FBXO33: variants seen among roughly 807,000 people sequenced by gnomAD.
The protein encoded by FBXO33 is F-box protein 33, also known as F-box only protein 33.
A neutral mutation model predicts 46.3 loss-of-function variants in FBXO33; 22 were observed. The ratio of observed to expected loss-of-function variants is 0.48; its 90% CI spans 0.34 to 0.68. FBXO33 has a LOEUF of 0.68. Among genes scored for constraint, FBXO33 ranks in the 30% least tolerant of loss-of-function variants. The pLI, the probability that FBXO33 is intolerant of heterozygous loss-of-function variation, is 0.01. For synonymous variants in FBXO33, 337 were observed against 291.3 expected (o/e 1.16, Z -1.60); for missense variants, 692 against 708.8 (o/e 0.98, Z 0.27).
At position 39,400,506 on chromosome 14, in the gene FBXO33, T is replaced by TAA. The variant is rs201575090; in HGVS notation, c.1396+668_1396+669dup. Among the ~76,000 whole-genome samples the TAA allele has an allele frequency of 7.5e-3, 1,138 of 152,092 alleles. 12 individuals are homozygous for TAA. Among genetic ancestry groups the TAA allele is most frequent in the African/African-American group, 0.026 (1,079 of 41,480 alleles). On this transcript the variant is annotated intron_variant, in intron 3 of 3. Transcript: ENST00000298097. The stretch of plus-strand genomic sequence containing the variant: ...TTTCTGCTACCTCTGATGACTGGCA[T>TAA]AAAGCAAGACTTGAAAAGCAAGGCA...
At chr14:39,426,740 GATCTTCAGATGGGCAACGCTTGTT>G (rs1270417754) in intron 1 of FBXO33, among the ~76,000 whole-genome samples, 5 of 152,174 alleles carry the variant, frequency 3.3e-5, no homozygotes, top group African/African-American at 1.2e-4. Flanking sequence ...TATTTGCTCA[GATCTTCAGATGGGCAACGCTTGTT>G]ATTCATGCTG....
chr14:39,416,651 T>G (rs1405372257), intron 1 of FBXO33, among the ~76,000 whole-genome samples: 2 of 152,132 alleles, frequency 1.3e-5, no homozygotes, highest in Admixed American at 1.3e-4. Flanking sequence ...TCGGTTCAGT[T>G]ACTGTATTCT....
rs555351775 is a variant in FBXO33 at position 39,414,636 on chromosome 14, C to T, written c.600-12125G>A. Among the ~76,000 whole-genome samples the T allele has an allele frequency of 2.1e-4, 32 of 152,160 alleles. No homozygotes were observed. In the South Asian group the frequency reaches 2.7e-3, roughly 13 times the overall value. ...CTTTCACTTAGCAATTAGAGGTCACCGTAGAGTTATTAATAAGCCTAATTT... is the reference window on the plus strand; with the variant it reads ...CTTTCACTTAGCAATTAGAGGTCACTGTAGAGTTATTAATAAGCCTAATTT... On this transcript the variant is annotated intron_variant, in intron 1 of 3. Coordinates refer to ENST00000298097, the MANE Select transcript of FBXO33 (RefSeq NM_203301.4).
chr14:39,421,080 T>C (rs1425953042), intron 1 of FBXO33, among the ~76,000 whole-genome samples: 2 of 152,208 alleles, frequency 1.3e-5, no homozygotes, highest in African/African-American at 4.8e-5. Flanking sequence ...TCCTGTGGTC[T>C]ATGTGTAGAT....
In FBXO33 at chr14:39,398,428, C is replaced by A. The variant is rs2075353116; in HGVS notation, c.*1088G>T. The A allele has an allele frequency of 6.6e-6, 1 of 150,834 alleles. No individual in the cohort carries two copies. The highest frequency in any genetic ancestry group is 1.5e-5 in the Non-Finnish European group (1 of 67,720). 9.3% of individuals were successfully genotyped at this position (150,834 alleles called of 1,614,324 possible). On this transcript the variant is annotated 3_prime_UTR_variant, in exon 4 of 4. Transcript: ENST00000298097. The stretch of plus-strand genomic sequence containing the variant: ...GTTTTTCCTTTCTTTCCTTTACATT[C>A]ACTATTCACAGTGAAACAGGTGCAT...
At chr14:39,404,695 A>G (rs1264797014) in intron 1 of FBXO33, among the ~76,000 whole-genome samples, 1 of 152,188 alleles carries the variant, frequency 6.6e-6, no homozygotes, top group Admixed American at 6.5e-5. Context: ...ATTATAGGGA[A>G]AAGGAAAAGC....
At chr14:39,410,354 G>C (rs972926153) in intron 1 of FBXO33, among the ~76,000 whole-genome samples, 1 of 152,156 alleles carries the variant, frequency 6.6e-6, no homozygotes, top group Non-Finnish European at 1.5e-5. Flanking sequence ...TGTGCATATG[G>C]TGAACCATGC....
Position 39,399,667 on chromosome 14 carries a change from T to C in FBXO33, c.1517A>G (p.Asp506Gly). The C allele has an allele frequency of 6.2e-7, 1 of 1,614,040 alleles. No individual in the cohort carries two copies. The highest frequency in any genetic ancestry group is 8.5e-7 in the Non-Finnish European group (1 of 1,179,994). ...DFDQGELADQ[D>G]VDPVHNLIEQ... ...AATAAGGTTATGCACTGGATCTACATCCTGGTCGGCCAGTTCACCTTGGTC... is the reference window on the plus strand; with the variant it reads ...AATAAGGTTATGCACTGGATCTACACCCTGGTCGGCCAGTTCACCTTGGTC... The change falls in exon 4 of 4, where the codon GAT becomes GGT. Residue 506 changes from aspartate to glycine, a missense_variant. Physicochemically the swap from Asp to Gly is moderately conservative, Grantham distance 94 (BLOSUM62 -1). This residue lies in a region of FBXO33 where 94 missense variants were observed against 91.9 expected (regional missense o/e 1.02). Transcript: ENST00000298097.
chr14:39,415,389 T>C (rs1332963306), intron 1 of FBXO33, among the ~76,000 whole-genome samples: 4 of 152,200 alleles, frequency 2.6e-5, no homozygotes, highest in Admixed American at 2.6e-4. Context: ...GCCAATATAG[T>C]TGCTTGATGC....
chr14:39,399,609 C>A lies in FBXO33; in HGVS notation c.1575G>T (p.Trp525Cys). Reference protein sequence around the residue: ...EQVSLGLGQPWHAVMDIESLS... With the variant: ...EQVSLGLGQPCHAVMDIESLS... Reference sequence around the variant, plus strand: ...GTGATTCGATGTCCATGACTGCATGCCAAGGTTGACCCAGGCCCAGGGATA... The same window carrying A: ...GTGATTCGATGTCCATGACTGCATGACAAGGTTGACCCAGGCCCAGGGATA... The change falls in exon 4 of 4, where the codon TGG becomes TGT. Residue 525 changes from tryptophan to cysteine, a missense_variant. Trp to Cys is a radical substitution (Grantham distance 215, BLOSUM62 -2). This residue lies in a region of FBXO33 where 94 missense variants were observed against 91.9 expected (regional missense o/e 1.02). Coordinates refer to ENST00000298097, the MANE Select transcript of FBXO33 (RefSeq NM_203301.4). 6.2e-7 allele frequency: 1 copy of A among 1,613,796 alleles called. No individual in the cohort carries two copies. Among genetic ancestry groups the A allele is most frequent in the East Asian group, 2.2e-5 (1 of 44,880 alleles).
At chr14:39,422,151 G>A (rs915511951) in intron 1 of FBXO33, among the ~76,000 whole-genome samples, 2 of 152,134 alleles carry the variant, frequency 1.3e-5, no homozygotes, top group African/African-American at 4.8e-5. Flanking sequence ...TCAGCTACTC[G>A]GGAGACTGAG....
At chr14:39,411,818 G>A (rs1279713833) in intron 1 of FBXO33, among the ~76,000 whole-genome samples, 1 of 152,134 alleles carries the variant, frequency 6.6e-6, no homozygotes, top group Non-Finnish European at 1.5e-5. Context: ...ACTGGCACCT[G>A]GCCTTGACTT....
At chr14:39,431,479 C>A (rs530458416) in intron 1 of FBXO33, 85 bp downstream of exon 1, 9 of 1,584,280 alleles carry the variant, frequency 5.7e-6, no homozygotes, top group Non-Finnish European at 7.7e-6. Context: ...TGGCCGGGCA[C>A]GTATTATGCA....
chr14:39,413,300 G>A (rs761876778), intron 1 of FBXO33, among the ~76,000 whole-genome samples: 1 of 152,222 alleles, frequency 6.6e-6, no homozygotes, highest in Non-Finnish European at 1.5e-5. Flanking sequence ...AACTTCTCAT[G>A]CATTCCAGTT....
chr14:39,429,699 G>A (rs151259485), intron 1 of FBXO33, among the ~76,000 whole-genome samples: 2 of 152,310 alleles, frequency 1.3e-5, no homozygotes, highest in East Asian at 3.9e-4. Context: ...ACAACACCAT[G>A]CTAATAGTAG....
chr14:39,423,696 A>G (rs897414232), intron 1 of FBXO33, among the ~76,000 whole-genome samples: 10 of 152,202 alleles, frequency 6.6e-5, no homozygotes, highest in African/African-American at 2.4e-4. Context: ...AAAAGAGGTA[A>G]AACTAACCCA....
At chr14:39,426,111 A>G (rs975660394) in intron 1 of FBXO33, among the ~76,000 whole-genome samples, 11 of 152,012 alleles carry the variant, frequency 7.2e-5, no homozygotes, top group African/African-American at 2.7e-4. Flanking sequence ...GTTATTTAAC[A>G]TGCTATTTTT....
rs140148813 is a variant in FBXO33 at position 39,426,684 on chromosome 14, T to C, written c.599+4880A>G. ...ACTGCTCGAACAGACCAAAAATTTG[T>C]CTGGCTCAAGACCTTAGCGCTTACT... On this transcript the variant is annotated intron_variant, in intron 1 of 3. Transcript: ENST00000298097. 9.8e-4 allele frequency among the ~76,000 whole-genome samples: 149 copies of C among 152,300 alleles called. 3 individuals are homozygous for C. In the South Asian group the frequency reaches 9.9e-3, roughly 10 times the overall value.
chr14:39,430,760 TG>T (rs2075540063), intron 1 of FBXO33, among the ~76,000 whole-genome samples: 1 of 152,098 alleles, frequency 6.6e-6, no homozygotes, highest in African/African-American at 2.4e-5. Context: ...GTTTTGGAGG[TG>T]GCGATGGAGA....
Sources: allele counts gnomAD v4.1 joint callset (sites outside exome capture counted in the v4.1 genomes callset), GRCh38; gene constraint gnomAD v4.1.1; regional missense constraint gnomAD v4.1.1; transcripts MANE v1.5; gene names NCBI Gene and HGNC (gene_info 2026-07-23, HGNC 2026-07-21).